The following AK5 variants were observed in gnomAD, a reference collection of about 807,000 sequenced individuals.
The protein encoded by AK5 is adenylate kinase isoenzyme 5.
In AK5, 27 loss-of-function variants were observed where a neutral mutation model predicts 69.5. The observed-to-expected ratio is 0.39, with a 90% CI of 0.29 to 0.54. AK5 has a LOEUF of 0.54. Ranked by LOEUF, AK5 falls within the 20% of genes least tolerant of loss-of-function variation. AK5 has a pLI of 0.71. For missense variants in AK5, 531 were observed against 700.4 expected, an observed-to-expected ratio of 0.76 and a Z score of 2.73; for synonymous variants, 260 against 244.4, an observed-to-expected ratio of 1.06 and a Z score of -0.60.
intron 8 of AK5, among the ~76,000 whole-genome samples, chr1:77,475,400 T>C (rs1654826784): frequency 1.3e-4 from 1 of 7,638 alleles, no homozygotes; most frequent in African/African-American, 2.4e-4. Flanking sequence ...ATATATATAA[T>C]ATATATGTAT....
intron 8 of AK5, 180 bp downstream of exon 8, chr1:77,417,895 G>T (rs1650536266): frequency 6.1e-6 from 3 of 488,406 alleles, no homozygotes; most frequent in Non-Finnish European, 1.1e-5. Flanking sequence ...TTGGCTTTTT[G>T]GCACTCCCTT....
At chr1:77,292,848 G>A (rs549055559) in intron 2 of AK5, among the ~76,000 whole-genome samples, 6 of 152,196 alleles carry the variant, frequency 3.9e-5, no homozygotes, top group South Asian at 2.1e-4. Context: ...TTAAATTACC[G>A]TGGTGCTTAT....
intron 10 of AK5, among the ~76,000 whole-genome samples, chr1:77,497,494 G>T (rs894544938): frequency 2.0e-5 from 3 of 152,212 alleles, no homozygotes; most frequent in African/African-American, 7.2e-5. Flanking sequence ...GTGAGACCAA[G>T]AACCCACTGG....
rs1370186683 is a variant in AK5 at position 77,299,961 on chromosome 1, C to A, written c.699+2014C>A. Among the ~76,000 whole-genome samples, 3 of 152,180 alleles carry A rather than the reference C, an allele frequency of 2.0e-5. No homozygotes were observed. In the East Asian group the frequency reaches 5.8e-4, roughly 29 times the overall value. ...CTTAAAAAACATTAACAAAATATCT[C>A]ATTTTCAGCTCTTAAAAAGTCCAGT... On this transcript the variant is annotated intron_variant, in intron 5 of 13. Coordinates refer to ENST00000354567, the MANE Select transcript of AK5 (RefSeq NM_174858.3).
At position 77,504,439 on chromosome 1, in the gene AK5, A is replaced by G. The variant is rs974099190; in HGVS notation, c.1148-14125A>G. Among the ~76,000 whole-genome samples the G allele has an allele frequency of 4.9e-3, 354 of 72,438 alleles. 5 individuals are homozygous for G. Among genetic ancestry groups the G allele is most frequent in the African/African-American group, 0.014 (336 of 24,646 alleles). The allele number at this position is 72,438 out of a possible 152,430, so 47.5% of individuals were successfully genotyped here. On this transcript the variant is annotated intron_variant, in intron 10 of 13. Coordinates refer to ENST00000354567, the MANE Select transcript of AK5 (RefSeq NM_174858.3). ...TCTTAGTTTTTTTCTGTGTATATATATATTTTTTTTAATATACATTTTTCA... is the reference window on the plus strand; with the variant it reads ...TCTTAGTTTTTTTCTGTGTATATATGTATTTTTTTTAATATACATTTTTCA...
chr1:77,447,298 A>G (rs951433428), intron 8 of AK5, among the ~76,000 whole-genome samples: 3 of 152,236 alleles, frequency 2.0e-5, no homozygotes, highest in South Asian at 2.1e-4. Flanking sequence ...TCATAGCTTC[A>G]GTATAAATAT....
chr1:77,401,526 A>AG (rs1649215194), intron 6 of AK5, among the ~76,000 whole-genome samples: 2 of 149,992 alleles, frequency 1.3e-5, no homozygotes, highest in South Asian at 4.4e-4. Context: ...CAAGAAGGAG[A>AG]GGAAAAAAAT....
At chr1:77,453,288 T>C (rs1432456201) in intron 8 of AK5, among the ~76,000 whole-genome samples, 3 of 152,264 alleles carry the variant, frequency 2.0e-5, no homozygotes, top group Non-Finnish European at 4.4e-5. Flanking sequence ...ACATGGCACA[T>C]GGCAGGTTTT....
rs376753213 is a variant in AK5, at chr1:77,508,973, C to A, written c.1148-9591C>A. Reference sequence around the variant, plus strand: ...TATTTAAGAAAGTAATACAATCTAACACAGGAAGCCACTCATTTAATTCAG... The same window carrying A: ...TATTTAAGAAAGTAATACAATCTAAAACAGGAAGCCACTCATTTAATTCAG... On this transcript the variant is annotated intron_variant, in intron 10 of 13. Transcript: ENST00000354567. Among the ~76,000 whole-genome samples the A allele has an allele frequency of 2.0e-5, 3 of 152,068 alleles. No homozygotes were observed. The South Asian group carries it at 6.3e-4, about 32-fold the overall frequency.
intron 10 of AK5, among the ~76,000 whole-genome samples, chr1:77,486,923 A>G (rs190436033): frequency 4.0e-4 from 61 of 152,296 alleles, no homozygotes; most frequent in African/African-American, 1.3e-3. Flanking sequence ...TTAAAAAGGT[A>G]AGAGGTTGTC....
intron 7 of AK5, among the ~76,000 whole-genome samples, chr1:77,414,883 T>C (rs186775671): frequency 6.6e-6 from 1 of 152,266 alleles, no homozygotes; most frequent in African/African-American, 2.4e-5. Flanking sequence ...TAGAGTATTA[T>C]TAAAGGTCCC....
At chr1:77,542,853 G>A (rs917606553) in intron 13 of AK5, among the ~76,000 whole-genome samples, 3 of 152,080 alleles carry the variant, frequency 2.0e-5, no homozygotes, top group African/African-American at 7.2e-5. Context: ...GGCCATAGAT[G>A]AAGAGGGCCT....
chr1:77,409,656 A>C (rs982129607), intron 6 of AK5, among the ~76,000 whole-genome samples: 2 of 152,144 alleles, frequency 1.3e-5, no homozygotes, highest in Non-Finnish European at 2.9e-5. Flanking sequence ...TGTCAGATGC[A>C]TAGTTTGCAA....
intron 13 of AK5, among the ~76,000 whole-genome samples, chr1:77,539,666 C>A (rs1004558418): frequency 1.3e-5 from 2 of 152,168 alleles, no homozygotes; most frequent in African/African-American, 4.8e-5. Flanking sequence ...GGATTGTTTG[C>A]CGCTGGAGAG....
rs569278473 is a variant in AK5, at chr1:77,323,466, A to G, written c.700-16911A>G. 1.1e-3 allele frequency among the ~76,000 whole-genome samples: 164 copies of G among 152,220 alleles called. 3 individuals carry two copies. Among genetic ancestry groups the G allele is most frequent in the Non-Finnish European group, 3.4e-4 (23 of 68,038 alleles). Reference sequence around the variant, plus strand: ...AAAAGTACCATAAACATTAGAGCAAATTATTAGAGCCAATCATTGATTCTT... The same window carrying G: ...AAAAGTACCATAAACATTAGAGCAAGTTATTAGAGCCAATCATTGATTCTT... On this transcript the variant is annotated intron_variant, in intron 5 of 13. Coordinates refer to ENST00000354567, the MANE Select transcript of AK5 (RefSeq NM_174858.3).
chr1:77,496,157 T>C (rs992427380), intron 10 of AK5, among the ~76,000 whole-genome samples: 1 of 152,132 alleles, frequency 6.6e-6, no homozygotes, highest in Non-Finnish European at 1.5e-5. Flanking sequence ...AAGTCAGAGC[T>C]GAGTCCAAAA....
At chr1:77,291,172 AAG>A (rs1397676280) in intron 2 of AK5, among the ~76,000 whole-genome samples, 1 of 152,234 alleles carries the variant, frequency 6.6e-6, no homozygotes. Context: ...TGGAGCAGAA[AAG>A]AGAGAGCAGA....
intron 7 of AK5, among the ~76,000 whole-genome samples, chr1:77,417,010 T>C (rs1173798479): frequency 6.6e-6 from 1 of 152,150 alleles, no homozygotes; most frequent in African/African-American, 2.4e-5. Context: ...AATGGGTAAC[T>C]GATTTAATGA....
At chr1:77,283,377 T>C in intron 1 of AK5, 1 of 985,384 alleles carries the variant, frequency 1.0e-6, no homozygotes, top group Non-Finnish European at 1.2e-6. Flanking sequence ...CAAACCTCGT[T>C]CCCCATTTCT....
Sources: allele counts gnomAD v4.1 joint callset (sites outside exome capture counted in the v4.1 genomes callset), GRCh38; gene constraint gnomAD v4.1.1; transcripts MANE v1.5; gene names NCBI Gene and HGNC (gene_info 2026-07-23, HGNC 2026-07-21).